The following LIN28B variants were observed in gnomAD, a reference collection of about 807,000 sequenced individuals.
LIN28B encodes the protein lin-28 RNA binding posttranscriptional regulator B.
LIN28B carries 5 observed loss-of-function variants against 21.9 expected under a neutral mutation model. The ratio of observed to expected loss-of-function variants is 0.23; its 90% confidence interval spans 0.12 to 0.48. LIN28B has a LOEUF of 0.48. LIN28B is among the 20% of genes least tolerant of loss of function. The probability of loss-of-function intolerance (pLI) is 0.98; values close to 1 mark genes in which losing one functional copy is unlikely to be tolerated. For synonymous variants in LIN28B, 109 were observed against 111.3 expected, an observed-to-expected ratio of 0.98 and a Z score of 0.13; for missense variants, 245 against 310.5, an observed-to-expected ratio of 0.79 and a Z score of 1.58.
In LIN28B at chr6:104,958,234, T is replaced by C. The variant is rs1769619020; in HGVS notation, c.146T>C (p.Ile49Thr). ...ATGGGATTTGGATTCATCTCCATGA[T>C]AAACCGAGAGGGAAGCCCCTTGGAT... ...VRMGFGFISM[I>T]NREGSPLDIP... Residue 49 changes from isoleucine to threonine, a missense_variant, in exon 2 of 4, where the codon ATA (isoleucine) becomes ACA (threonine). Transcript: ENST00000345080. The C allele has an allele frequency of 1.9e-6, 3 of 1,594,790 alleles. No individual in the cohort carries two copies. Among genetic ancestry groups the C allele is most frequent in the Non-Finnish European group, 2.6e-6 (3 of 1,165,400 alleles).
chr6:104,950,507 C>T, exon 3 of LIN28B: 1 of 1,226,148 alleles, frequency 8.2e-7, no homozygotes, highest in East Asian at 3.2e-5. Flanking sequence ...TCATCAGCCC[C>T]AGGTTAGTCT....
chr6:105,045,321 T>C (rs1771733144), intron 3 of LIN28B, among the ~76,000 whole-genome samples: 2 of 146,616 alleles, frequency 1.4e-5, no homozygotes, highest in Admixed American at 1.4e-4. Context: ...AGTCTCACTC[T>C]TGTCACCCAG....
At chr6:104,984,478 C>T (rs1388180028) in intron 2 of LIN28B, among the ~76,000 whole-genome samples, 5 of 150,782 alleles carry the variant, frequency 3.3e-5, no homozygotes, top group Non-Finnish European at 2.9e-5. Flanking sequence ...TTTGTTGAGA[C>T]AGGGTCTCAC....
At chr6:105,032,275 G>A (rs112267618) in intron 3 of LIN28B, among the ~76,000 whole-genome samples, 9 of 152,094 alleles carry the variant, frequency 5.9e-5, no homozygotes, top group African/African-American at 1.7e-4. Context: ...TTTTGGAGTG[G>A]GATTGCTGCA....
intron 2 of LIN28B, among the ~76,000 whole-genome samples, chr6:104,942,480 A>G (rs1248448357): frequency 6.6e-6 from 1 of 152,174 alleles, no homozygotes; most frequent in Non-Finnish European, 1.5e-5. Context: ...TTGGAAATAT[A>G]TGCCAATTTG....
chr6:105,041,799 G>T (rs781067204), intron 3 of LIN28B, among the ~76,000 whole-genome samples: 15 of 152,122 alleles, frequency 9.9e-5, no homozygotes, highest in Non-Finnish European at 1.5e-4. Flanking sequence ...CTGGGGTGTT[G>T]AGCTCAGCCA....
intron 3 of LIN28B, among the ~76,000 whole-genome samples, chr6:105,051,772 AC>A (rs1271439233): frequency 6.6e-6 from 1 of 152,154 alleles, no homozygotes; most frequent in Non-Finnish European, 1.5e-5. Flanking sequence ...TTTGTTGAGT[AC>A]CTGCCATGGA....
chr6:105,030,698 GCAATT>G (rs1304392452), intron 3 of LIN28B, among the ~76,000 whole-genome samples: 2 of 148,332 alleles, frequency 1.3e-5, no homozygotes, highest in Admixed American at 1.4e-4. Context: ...CTGGGTTCAA[GCAATT>G]CTCCTGCCTC....
intron 3 of LIN28B, among the ~76,000 whole-genome samples, chr6:105,041,066 C>T (rs2114365521): frequency 6.6e-6 from 1 of 151,530 alleles, no homozygotes; most frequent in South Asian, 2.1e-4. Flanking sequence ...CACACACCAA[C>T]ACAACCAATA....
intron 2 of LIN28B, among the ~76,000 whole-genome samples, chr6:105,006,383 C>T (rs1430541439): frequency 6.6e-6 from 1 of 152,154 alleles, no homozygotes; most frequent in Non-Finnish European, 1.5e-5. Flanking sequence ...ACAATCTCAG[C>T]TCACTGCAAT....
chr6:105,079,124 C>T lies in LIN28B; in HGVS notation c.*341C>T, dbSNP rs185731640. 134 of 174,868 alleles carry T rather than the reference C, an allele frequency of 7.7e-4. 1 individual carries two copies. The highest frequency in any genetic ancestry group is 3.1e-3 in the African/African-American group (129 of 42,294). The allele number at this position is 174,868 out of a possible 1,614,324, so 10.8% of individuals were successfully genotyped here. ...TTATATATTTGTGTATAGATCAAAG[C>T]ACACACCCTCTCTCATATAATTGGA... On this transcript the variant is annotated 3_prime_UTR_variant, in exon 4 of 4. Transcript: ENST00000345080.
chr6:104,977,932 C>A (rs2114600492), intron 2 of LIN28B, among the ~76,000 whole-genome samples: 1 of 152,280 alleles, frequency 6.6e-6, no homozygotes, highest in South Asian at 2.1e-4. Flanking sequence ...AAGCATAATA[C>A]ATTAGGAATT....
At chr6:105,044,310 C>T (rs759439012) in intron 3 of LIN28B, among the ~76,000 whole-genome samples, 2 of 152,048 alleles carry the variant, frequency 1.3e-5, no homozygotes, top group African/African-American at 2.4e-5. Context: ...CTCTTTCTTC[C>T]GCTAGTTGTT....
chr6:105,027,292 G>A (rs1771305331), intron 3 of LIN28B, among the ~76,000 whole-genome samples: 1 of 152,126 alleles, frequency 6.6e-6, no homozygotes, highest in Non-Finnish European at 1.5e-5. Context: ...ACCTCTGAAA[G>A]TGAGACAGCT....
At chr6:104,975,442 GACCCCA>G (rs1770070480) in intron 2 of LIN28B, among the ~76,000 whole-genome samples, 1 of 152,092 alleles carries the variant, frequency 6.6e-6, no homozygotes. Context: ...CCTAGGCATA[GACCCCA>G]GTTTGCCACC....
intron 3 of LIN28B, chr6:105,058,055 G>T (rs1271773823): frequency 2.6e-6 from 1 of 385,166 alleles, no homozygotes; most frequent in Non-Finnish European, 5.1e-6. Context: ...CATATTTCTT[G>T]AACTTTTGTC....
At chr6:104,995,154 C>T (rs1770573303) in intron 2 of LIN28B, among the ~76,000 whole-genome samples, 3 of 152,100 alleles carry the variant, frequency 2.0e-5, no homozygotes, top group Non-Finnish European at 2.9e-5. Context: ...GATACTCAGC[C>T]TGTGTATTGA....
rs1269066043 is a variant in LIN28B, at chr6:105,083,145, G to T, written c.*4362G>T. 6.6e-6 allele frequency: 1 copy of T among 152,620 alleles called. No homozygotes were observed. The highest frequency in any genetic ancestry group is 1.5e-5 in the Non-Finnish European group (1 of 68,046). The allele number at this position is 152,620 out of a possible 1,614,324, so 9.5% of individuals were successfully genotyped here. ...TATGTTTTTAAAAGACAAAAAAGGG[G>T]TAGATGTTTGGAATGCGTTTCACTC... On this transcript the variant is annotated 3_prime_UTR_variant, in exon 4 of 4. Transcript: ENST00000345080.
intron 3 of LIN28B, among the ~76,000 whole-genome samples, chr6:105,035,988 A>G (rs1771513681): frequency 6.6e-6 from 1 of 152,198 alleles, no homozygotes; most frequent in African/African-American, 2.4e-5. Flanking sequence ...TGGAGGTAGA[A>G]AGTAAAAGAA....
Sources: gnomAD v4.1 joint callset for allele counts (sites outside exome capture counted in the v4.1 genomes callset) on GRCh38, gnomAD v4.1.1 for gene constraint, MANE v1.5 for transcripts, NCBI Gene and HGNC (gene_info 2026-07-23, HGNC 2026-07-21) for gene names.